The following PDE1A variants were observed in gnomAD, a reference collection of about 807,000 sequenced individuals.
PDE1A encodes the protein dual specificity calcium/calmodulin-dependent 3',5'-cyclic nucleotide phosphodiesterase 1A.
Under a neutral mutation model 61.7 loss-of-function variants are expected in PDE1A, and 35 were observed. That is an observed-to-expected ratio of 0.57 (90% CI 0.43 to 0.75). The LOEUF is 0.75. Ranked by LOEUF, PDE1A falls within the 30% of genes least tolerant of loss-of-function variation. The pLI is 0.00. For missense variants in PDE1A, 597 were observed against 630.6 expected (o/e 0.95, Z 0.57); for synonymous variants, 232 against 213.2 (o/e 1.09, Z -0.77).
intron 7 of PDE1A, among the ~76,000 whole-genome samples, chr2:182,206,953 G>A (rs1687156690): frequency 6.6e-6 from 1 of 152,206 alleles, no homozygotes; most frequent in Admixed American, 6.5e-5. Context: ...TGGATGGCCT[G>A]TGGAACTGTG....
chr2:182,661,981 C>T, the PDE1A span, among the ~76,000 whole-genome samples: 4 of 151,728 alleles, frequency 2.6e-5, no homozygotes, highest in Non-Finnish European at 2.9e-5. Flanking sequence ...TTTACTAATT[C>T]GACCAGCTGA....
chr2:182,235,072 GA>G (rs1209619768), intron 3 of PDE1A, among the ~76,000 whole-genome samples: 4 of 152,136 alleles, frequency 2.6e-5, no homozygotes, highest in Non-Finnish European at 5.9e-5. Context: ...TATTCAGAAA[GA>G]AAACAATGTT....
At chr2:182,364,888 G>T (rs889652557) in intron 1 of PDE1A, among the ~76,000 whole-genome samples, 1 of 151,858 alleles carries the variant, frequency 6.6e-6, no homozygotes, top group Non-Finnish European at 1.5e-5. Flanking sequence ...ATTTTCATAC[G>T]TCTAAAACAG....
intron 1 of PDE1A, among the ~76,000 whole-genome samples, chr2:182,311,567 C>T (rs1695975859): frequency 6.6e-6 from 1 of 152,178 alleles, no homozygotes; most frequent in African/African-American, 2.4e-5. Context: ...TAAATGGAAG[C>T]ATACCATCTG....
chr2:182,317,226 G>A (rs1195932816), intron 1 of PDE1A, among the ~76,000 whole-genome samples: 4 of 151,822 alleles, frequency 2.6e-5, no homozygotes, highest in Non-Finnish European at 4.4e-5. Flanking sequence ...TAAGAAAGCA[G>A]ATGCTCTTGG....
chr2:182,343,744 GAT>G (rs1288109414), intron 1 of PDE1A, among the ~76,000 whole-genome samples: 1 of 152,044 alleles, frequency 6.6e-6, no homozygotes, highest in African/African-American at 2.4e-5. Context: ...TAGTAATTAA[GAT>G]ATTAAATGTT....
At chr2:182,443,320 T>C (rs555126177) in intron 2 of PDE1A, among the ~76,000 whole-genome samples, 18 of 152,184 alleles carry the variant, frequency 1.2e-4, no homozygotes, top group Non-Finnish European at 2.5e-4. Flanking sequence ...TAAAATATTA[T>C]ATATTTAAGC....
the PDE1A span, among the ~76,000 whole-genome samples, chr2:182,695,080 T>C: frequency 2.6e-5 from 4 of 152,154 alleles, no homozygotes; most frequent in East Asian, 7.7e-4. Flanking sequence ...TGAGTATTCC[T>C]ATTGTTTTCT....
chr2:182,446,668 T>TTAC (rs1685156967), intron 2 of PDE1A, among the ~76,000 whole-genome samples: 1 of 152,102 alleles, frequency 6.6e-6, no homozygotes, highest in African/African-American at 2.4e-5. Context: ...GTTAATTAAC[T>TTAC]TACCTACATT....
At chr2:182,345,369 A>C (rs1698456576) in intron 1 of PDE1A, among the ~76,000 whole-genome samples, 1 of 152,194 alleles carries the variant, frequency 6.6e-6, no homozygotes, top group Non-Finnish European at 1.5e-5. Context: ...TCCAGGACTT[A>C]GGACACAATT....
At chr2:182,679,279 GT>G in the PDE1A span, among the ~76,000 whole-genome samples, 1 of 150,866 alleles carries the variant, frequency 6.6e-6, no homozygotes, top group Non-Finnish European at 1.5e-5. Context: ...CGCCTCCCGG[GT>G]TAACGTCATT....
the PDE1A span, among the ~76,000 whole-genome samples, chr2:182,649,094 G>C: frequency 6.6e-6 from 1 of 152,136 alleles, no homozygotes; most frequent in Non-Finnish European, 1.5e-5. Flanking sequence ...TGGTGGCCTA[G>C]AATACATCTG....
the PDE1A span, among the ~76,000 whole-genome samples, chr2:182,698,490 C>T: frequency 3.9e-5 from 6 of 151,982 alleles, no homozygotes; most frequent in Admixed American, 3.3e-4. Flanking sequence ...TATGCTAACT[C>T]CATCAGTAAA....
At chr2:182,694,656 T>A in the PDE1A span, among the ~76,000 whole-genome samples, 1 of 152,046 alleles carries the variant, frequency 6.6e-6, no homozygotes, top group Non-Finnish European at 1.5e-5. Flanking sequence ...AAGGCACATA[T>A]CCTTGACTAA....
chr2:182,623,874 C>T, the PDE1A span, among the ~76,000 whole-genome samples: 1 of 152,074 alleles, frequency 6.6e-6, no homozygotes, highest in Non-Finnish European at 1.5e-5. Flanking sequence ...GCCTGTAACC[C>T]CAGCACTTTG....
At chr2:182,343,068 G>A (rs935675923) in intron 1 of PDE1A, among the ~76,000 whole-genome samples, 3 of 152,294 alleles carry the variant, frequency 2.0e-5, no homozygotes, top group East Asian at 3.9e-4. Context: ...ACTATGGAGT[G>A]GATACATTGT....
At chr2:182,456,615 A>G (rs1685938710) in intron 2 of PDE1A, among the ~76,000 whole-genome samples, 1 of 152,100 alleles carries the variant, frequency 6.6e-6, no homozygotes. Context: ...ACAGCTACAC[A>G]TGCAGAGAAG....
intron 10 of PDE1A, among the ~76,000 whole-genome samples, chr2:182,190,800 A>T (rs938417621): frequency 1.3e-5 from 2 of 152,030 alleles, no homozygotes; most frequent in Admixed American, 1.3e-4. Context: ...TACTATAAAT[A>T]CAAAAATTAC....
chr2:182,168,765 A>G (rs991368649), intron 13 of PDE1A, among the ~76,000 whole-genome samples: 1 of 152,166 alleles, frequency 6.6e-6, no homozygotes, highest in Non-Finnish European at 1.5e-5. Flanking sequence ...ATAAAAAAGA[A>G]TAAAATCATG....
Sources: gnomAD v4.1 joint callset for allele counts (sites outside exome capture counted in the v4.1 genomes callset) on GRCh38, gnomAD v4.1.1 for gene constraint, MANE v1.5 for transcripts, NCBI Gene and HGNC (gene_info 2026-07-23, HGNC 2026-07-21) for gene names.